Variants in EHMT2 observed in about 807,000 individuals in gnomAD.
EHMT2 encodes histone-lysine N-methyltransferase EHMT2.
A neutral mutation model predicts 143.3 loss-of-function variants in EHMT2; 59 were observed. The observed-to-expected ratio is 0.41, with a 90% confidence interval of 0.33 to 0.51. The LOEUF is 0.51. Ranked by LOEUF, EHMT2 falls within the 20% of genes least tolerant of loss-of-function variation. The probability of loss-of-function intolerance (pLI) is 0.18; values close to 1 mark genes in which losing one functional copy is unlikely to be tolerated. For missense variants in EHMT2, 1,174 were observed against 1,645.9 expected (o/e 0.71, Z 4.96); for synonymous variants, 604 against 651.5 (o/e 0.93, Z 1.11).
chr6:31,888,338 C>T lies in EHMT2; in HGVS notation c.1509+25G>A. 6.2e-7 allele frequency: 1 copy of T among 1,611,840 alleles called. No individual in the cohort carries two copies. Among genetic ancestry groups the T allele is most frequent in the South Asian group, 1.1e-5 (1 of 90,930 alleles). On this transcript the variant is annotated intron_variant, in intron 12 of 27. Coordinates refer to ENST00000375537, the Ensembl canonical transcript of EHMT2. The surrounding 1 kb of genome is among the most constrained non-coding windows in gnomAD (Gnocchi z 7.4). ...GCCCCCTCTGCCACAGGGCATGCTA[C>T]CTGTCTGCCCCACTGGTCACTCACC...
exon 6 of EHMT2, chr6:31,892,704 C>G: frequency 1.2e-6 from 2 of 1,613,134 alleles, no homozygotes; most frequent in Non-Finnish European, 8.5e-7. Context: ...CAGGCCACCT[C>G]CTGAGTTCAG....
chr6:31,892,527 T>C (rs1364799340), exon 7 of EHMT2: 2 of 1,612,850 alleles, frequency 1.2e-6, no homozygotes, highest in Non-Finnish European at 1.7e-6. Flanking sequence ...TCAGGGTCAC[T>C]TCTCCTGAAC....
In EHMT2 at chr6:31,883,896, A is replaced by G. The variant is rs1764446012; in HGVS notation, c.2826T>C (p.Asp942=). The G allele has an allele frequency of 6.2e-7, 1 of 1,613,798 alleles. No individual in the cohort carries two copies. The highest frequency in any genetic ancestry group is 8.5e-7 in the Non-Finnish European group (1 of 1,179,966). The change falls in exon 22 of 28, where the codon GAT becomes GAC. Residue 942 remains aspartate (D), a synonymous_variant. Coordinates refer to ENST00000375537, the Ensembl canonical transcript of EHMT2. The surrounding 1 kb of genome is among the most constrained non-coding windows in gnomAD (Gnocchi z 5.6). The stretch of plus-strand genomic sequence containing the variant: ...TGTAATCCTCAGGGCAGGGCTCCCC[A>G]TCCACACCGTTGACACAGGGAATGG...
At chr6:31,887,208 T>C in intron 15 of EHMT2, 107 bp from the exon 16 acceptor site, 1 of 897,392 alleles carries the variant, frequency 1.1e-6, no homozygotes, top group Non-Finnish European at 1.7e-6. Context: ...CCAAGCTGGA[T>C]CAGGGCCCCT....
chr6:31,892,943 G>A, intron 4 of EHMT2, 33 bp from the exon 5 acceptor site: 1 of 1,482,312 alleles, frequency 6.7e-7, no homozygotes, highest in African/African-American at 1.4e-5. Flanking sequence ...CTGAGGGTCA[G>A]AGAGCACCTA....
At chr6:31,885,272 T>C (rs759715813) in intron 18 of EHMT2, 93 of 409,476 alleles carry the variant, frequency 2.3e-4, no homozygotes, top group Non-Finnish European at 3.0e-4. Flanking sequence ...GGTCAGGAGA[T>C]GGAGGCCATT....
In EHMT2 at chr6:31,889,016, C is replaced by A; in HGVS notation, c.1169G>T (p.Gly390Val). Residue 390 changes from glycine to valine, a missense_variant, in exon 10 of 28, where the codon GGG (glycine) becomes GTG (valine). By Grantham distance (109) the Gly-to-Val change is moderately radical (BLOSUM62 -3). Transcript: ENST00000375537. This position sits in a 1 kb window ranked among gnomAD's most constrained non-coding sequence, Gnocchi z 5.1. ...CCCCTCGCTGGGCAGCTCCAGGGAC[C>A]CCAGAGGGACCTCCATGTACTCACT... The A allele has an allele frequency of 6.2e-7, 1 of 1,601,978 alleles. No homozygotes were observed. The highest frequency in any genetic ancestry group is 8.5e-7 in the Non-Finnish European group (1 of 1,176,402).
At chr6:31,885,379 G>C (rs1224899949) in intron 18 of EHMT2, 1 of 179,582 alleles carries the variant, frequency 5.6e-6, no homozygotes, top group Non-Finnish European at 1.2e-5. Flanking sequence ...TAGGGAGGCT[G>C]AGGCAGAATG....
chr6:31,894,264 A>G (rs1170569436), intron 4 of EHMT2, among the ~76,000 whole-genome samples: 4 of 151,964 alleles, frequency 2.6e-5, no homozygotes, highest in African/African-American at 9.7e-5. Flanking sequence ...CTCCTGCCTC[A>G]GCCTCCCAAG....
In EHMT2 at chr6:31,880,853, G is replaced by A; in HGVS notation, c.3277-5C>T. On this transcript the variant is annotated splice_region_variant and splice_polypyrimidine_tract_variant and intron_variant, in intron 26 of 27. Coordinates refer to ENST00000375537, the Ensembl canonical transcript of EHMT2. The surrounding 1 kb of genome is among the most constrained non-coding windows in gnomAD (Gnocchi z 6.6). ...TATGCAGTACACCTCTCCATCCTGG[G>A]GCAGGGGGATGGCACTCTTCACATC... 1 of 1,613,418 alleles carries A rather than the reference G, an allele frequency of 6.2e-7. No individual in the cohort carries two copies. Among genetic ancestry groups the A allele is most frequent in the Non-Finnish European group, 8.5e-7 (1 of 1,179,898 alleles).
chr6:31,883,136 G>C lies in EHMT2; in HGVS notation c.2995-127C>G. The C allele has an allele frequency of 1.1e-6, 1 of 924,016 alleles. No homozygotes were observed. Among genetic ancestry groups the C allele is most frequent in the Non-Finnish European group, 1.7e-6 (1 of 588,852 alleles). The allele number at this position is 924,016 out of a possible 1,614,324, so 57.2% of individuals were successfully genotyped here. A position where few individuals can be genotyped will look rare whatever the true frequency, so the allele number is the denominator to read the frequency against. On this transcript the variant is annotated intron_variant, in intron 23 of 27. Transcript: ENST00000375537. The surrounding 1 kb of genome is among the most constrained non-coding windows in gnomAD (Gnocchi z 5.6). ...GGAGGTCACACAGGCTCTGAGATCCGAGAGCACGAAATGCAGGAGCATCAT... is the reference window on the plus strand; with the variant it reads ...GGAGGTCACACAGGCTCTGAGATCCCAGAGCACGAAATGCAGGAGCATCAT...
Position 31,884,419 on chromosome 6 carries a change from G to T in EHMT2, c.2744C>A (p.Ala915Asp). The T allele has an allele frequency of 1.2e-6, 2 of 1,612,590 alleles. No individual in the cohort carries two copies. Among genetic ancestry groups the T allele is most frequent in the East Asian group, 2.2e-5 (1 of 44,864 alleles). The change falls in exon 21 of 28, where the codon GCC (alanine) becomes GAC (aspartate). Residue 915 changes from alanine (A) to aspartate (D), a missense_variant. Ala to Asp is a moderately radical substitution (Grantham distance 126). Transcript: ENST00000375537. The surrounding 1 kb of genome is among the most constrained non-coding windows in gnomAD (Gnocchi z 7.3). ...GCAGATGATCTTCTCTGTGCGGATG[G>T]CCCGATTTCCCACCCCAAGTCGGAG...
rs763703352 is a variant in EHMT2 at position 31,889,365 on chromosome 6, G to T, written c.1000-23C>A. On this transcript the variant is annotated intron_variant, in intron 8 of 27. Transcript: ENST00000375537. The surrounding 1 kb of genome is among the most constrained non-coding windows in gnomAD (Gnocchi z 5.1). ...ACTCTGGGAAGGGGGAGGAGGAGGAGTTAGGAACCCTCACCCCCAGGGGCC... is the reference window on the plus strand; with the variant it reads ...ACTCTGGGAAGGGGGAGGAGGAGGATTTAGGAACCCTCACCCCCAGGGGCC... 6.2e-7 allele frequency: 1 copy of T among 1,610,654 alleles called. No homozygotes were observed. The highest frequency in any genetic ancestry group is 1.1e-5 in the South Asian group (1 of 90,942).
In EHMT2 at chr6:31,880,017, A is replaced by G. The variant is rs1399989863; in HGVS notation, c.*67T>C. ...GCACCCCCAGGCATGGGCTGCGAGC[A>G]GCTGGTGGCAGAGGAGGCGGCTGAG... On this transcript the variant is annotated 3_prime_UTR_variant, in exon 28 of 28. Transcript: ENST00000375537. The surrounding 1 kb of genome is among the most constrained non-coding windows in gnomAD (Gnocchi z 6.6). 3.2e-6 allele frequency: 5 copies of G among 1,554,328 alleles called. No homozygotes were observed. In the Admixed American group the frequency reaches 5.4e-5, roughly 17 times the overall value.
chr6:31,887,492 C>A, intron 15 of EHMT2, 85 bp downstream of exon 15: 4 of 1,236,620 alleles, frequency 3.2e-6, no homozygotes, highest in African/African-American at 1.5e-5. Flanking sequence ...GTGTCCTTCA[C>A]GACTGTACTC....
At chr6:31,885,430 G>C (rs1412767567) in intron 18 of EHMT2, 6 of 161,932 alleles carry the variant, frequency 3.7e-5, no homozygotes, top group Non-Finnish European at 6.7e-5. Context: ...AGCCAAGATC[G>C]TGCCACTGCA....
Position 31,889,011 on chromosome 6 carries a change from G to C in EHMT2, c.1174C>G (p.Leu392Val), listed in dbSNP as rs557513895. 1 of 1,601,558 alleles carries C rather than the reference G, an allele frequency of 6.2e-7. No homozygotes were observed. Among genetic ancestry groups the C allele is most frequent in the African/African-American group, 1.3e-5 (1 of 74,648 alleles). The change falls in exon 10 of 28, where the codon CTG (leucine) becomes GTG (valine). Residue 392 changes from leucine to valine, a missense_variant. Around this residue, in one of 6 missense-constraint regions of EHMT2, gnomAD observed 608 missense variants for 903.7 expected, o/e 0.67. Coordinates refer to ENST00000375537, the Ensembl canonical transcript of EHMT2. This position sits in a 1 kb window ranked among gnomAD's most constrained non-coding sequence, Gnocchi z 5.1. ...AGGGTCCCCTCGCTGGGCAGCTCCA[G>C]GGACCCCAGAGGGACCTCCATGTAC...
chr6:31,892,328 C>CAGGGAACA, intron 7 of EHMT2, 79 bp downstream of exon 7: 1 of 1,501,950 alleles, frequency 6.7e-7, no homozygotes, highest in Non-Finnish European at 9.0e-7. Flanking sequence ...AGCAGAAAAA[C>CAGGGAACA]AGGGAACAAG....
At chr6:31,892,942 A>C (rs1490115072) in intron 4 of EHMT2, 32 bp from the exon 5 acceptor site, 2 of 1,484,420 alleles carry the variant, frequency 1.3e-6, no homozygotes, top group Non-Finnish European at 1.8e-6. Context: ...ACTGAGGGTC[A>C]GAGAGCACCT....
Sources: allele counts gnomAD v4.1 joint callset (sites outside exome capture counted in the v4.1 genomes callset), GRCh38; gene constraint gnomAD v4.1.1; regional missense constraint gnomAD v4.1.1; non-coding constraint Gnocchi (gnomAD v3.1); transcripts MANE v1.5; gene names NCBI Gene and HGNC (gene_info 2026-07-23, HGNC 2026-07-21).